Variants in WDR27 observed in about 807,000 individuals in gnomAD.
The protein encoded by WDR27 is WD repeat domain 27.
WDR27 carries 100 observed loss-of-function variants against 114.4 expected under a neutral mutation model. That is an observed-to-expected ratio of 0.87 (90% CI 0.74 to 1.03). The LOEUF is 1.03. Among genes scored for constraint, WDR27 ranks in the 50% least tolerant of loss-of-function variants. WDR27 has a pLI of 0.00. For missense variants in WDR27, 1,129 were observed against 1,092.9 expected (o/e 1.03, Z -0.47); for synonymous variants, 449 against 423.1 (o/e 1.06, Z -0.75).
At chr6:169,428,941 C>A in the WDR27 span, among the ~76,000 whole-genome samples, 3 of 152,148 alleles carry the variant, frequency 2.0e-5, no homozygotes, top group Admixed American at 1.3e-4. Flanking sequence ...CACGGTTGTC[C>A]TCACTGGAAA....
chr6:169,518,649 C>T (rs1016154105), intron 25 of WDR27, among the ~76,000 whole-genome samples: 1 of 152,232 alleles, frequency 6.6e-6, no homozygotes, highest in African/African-American at 2.4e-5. Context: ...GGGGCTGCCT[C>T]TTAGATCTCT....
At chr6:169,487,460 C>T (rs1394472786) in intron 25 of WDR27, among the ~76,000 whole-genome samples, 1 of 152,122 alleles carries the variant, frequency 6.6e-6, no homozygotes, top group Non-Finnish European at 1.5e-5. Context: ...TGGCTTCACA[C>T]GTGAGGGCTA....
At chr6:169,499,609 G>A (rs1039725630) in intron 25 of WDR27, among the ~76,000 whole-genome samples, 5 of 152,176 alleles carry the variant, frequency 3.3e-5, no homozygotes, top group South Asian at 2.1e-4. Flanking sequence ...GTCGCTTCCC[G>A]CAGTGTTGAG....
chr6:169,553,057 C>CGTGTGT (rs1798400485), intron 25 of WDR27, among the ~76,000 whole-genome samples: 1 of 23,638 alleles, frequency 4.2e-5, no homozygotes, highest in Non-Finnish European at 9.5e-5. Flanking sequence ...GCCTGGAGGG[C>CGTGTGT]CTGTGTGTGT....
In WDR27 at chr6:169,665,555, T is replaced by C. The variant is rs1438436662; in HGVS notation, c.714A>G (p.Ala238=). The C allele has an allele frequency of 8.7e-6, 14 of 1,613,072 alleles. No individual in the cohort carries two copies. Among genetic ancestry groups the C allele is most frequent in the Non-Finnish European group, 1.2e-5 (14 of 1,179,334 alleles). ...CAATGAATAAACTGAGAAGAGGATA[T>C]GCTGGTGAAAGGAACATCGGAAAAT... ...SLIYSSSVLS[A]YPLLSLFIDA... Residue 238 remains alanine (A), a splice_region_variant and synonymous_variant, in exon 7 of 26, where the codon GCA becomes GCG. Transcript: ENST00000448612.
In WDR27 at chr6:169,520,829, A is replaced by C. The variant is rs1043089002; in HGVS notation, c.2645+51590T>G. On this transcript the variant is annotated intron_variant, in intron 25 of 25. Coordinates refer to ENST00000448612, the MANE Select transcript of WDR27 (RefSeq NM_182552.5). ...TTCAAAGACAGGTTACCTGAAATAC[A>C]GAAAGAGAAAAAAAGGAAAAAAATG... Among the ~76,000 whole-genome samples, 7 of 152,144 alleles carry C rather than the reference A, an allele frequency of 4.6e-5. No homozygotes were observed. In the East Asian group the frequency reaches 1.2e-3, roughly 25 times the overall value.
At chr6:169,580,465 A>G (rs147907828) in intron 24 of WDR27, among the ~76,000 whole-genome samples, 1 of 152,316 alleles carries the variant, frequency 6.6e-6, no homozygotes, top group African/African-American at 2.4e-5. Context: ...GAGTTCTAAG[A>G]AAGCTGGTTT....
At chr6:169,495,886 T>TG (rs1052524465) in intron 25 of WDR27, among the ~76,000 whole-genome samples, 3 of 151,460 alleles carry the variant, frequency 2.0e-5, no homozygotes, top group African/African-American at 7.3e-5. Context: ...TTCCAAAAAC[T>TG]GGGGGAAAAA....
intron 25 of WDR27, among the ~76,000 whole-genome samples, chr6:169,539,785 T>C (rs73792927): frequency 0.016 from 2,466 of 152,276 alleles, 64 homozygotes; most frequent in African/African-American, 0.057. Context: ...GAAGAGAGGT[T>C]ACCTCAGCCA....
chr6:169,538,730 A>ACACACACC (rs1796485644), intron 25 of WDR27, among the ~76,000 whole-genome samples: 1 of 151,726 alleles, frequency 6.6e-6, no homozygotes, highest in East Asian at 1.9e-4. Context: ...ACACACACAC[A>ACACACACC]CACACAAACA....
intron 25 of WDR27, among the ~76,000 whole-genome samples, chr6:169,478,086 C>A (rs536866542): frequency 9.9e-5 from 15 of 151,932 alleles, no homozygotes; most frequent in Admixed American, 3.3e-4. Context: ...ATTGGAGGGA[C>A]AGAAGTCAAG....
intron 19 of WDR27, among the ~76,000 whole-genome samples, chr6:169,634,919 G>A (rs1214170259): frequency 3.9e-5 from 6 of 152,172 alleles, no homozygotes; most frequent in Non-Finnish European, 8.8e-5. Flanking sequence ...TGAAGTGCCT[G>A]CAAAGTGATC....
chr6:169,641,910 T>C (rs1199563859), intron 17 of WDR27, among the ~76,000 whole-genome samples: 2 of 152,264 alleles, frequency 1.3e-5, no homozygotes, highest in Non-Finnish European at 2.9e-5. Context: ...GAGAATCTAC[T>C]CTGTGCCAGG....
intron 24 of WDR27, among the ~76,000 whole-genome samples, chr6:169,573,715 T>C (rs1435989165): frequency 1.3e-5 from 2 of 152,236 alleles, no homozygotes; most frequent in African/African-American, 2.4e-5. Context: ...ATAAATTATA[T>C]CTCTGTGTAT....
At chr6:169,463,498 G>A (rs183701852) in intron 25 of WDR27, among the ~76,000 whole-genome samples, 113 of 152,268 alleles carry the variant, frequency 7.4e-4, no homozygotes, top group Non-Finnish European at 9.1e-4. Flanking sequence ...AAGGATGCCC[G>A]CTTTCATCAT....
intron 22 of WDR27, among the ~76,000 whole-genome samples, chr6:169,609,577 T>G (rs1325958723): frequency 6.6e-6 from 1 of 152,168 alleles, no homozygotes; most frequent in African/African-American, 2.4e-5. Flanking sequence ...GGGCACCAAG[T>G]CCCAGGCTGC....
At chr6:169,660,495 C>T (rs984571021) in intron 10 of WDR27, among the ~76,000 whole-genome samples, 168 bp downstream of exon 10, 5 of 152,176 alleles carry the variant, frequency 3.3e-5, no homozygotes, top group Non-Finnish European at 2.9e-5. Context: ...CCTCGTCCTT[C>T]GGATCCAGCA....
chr6:169,602,790 T>A (rs1401501056), intron 22 of WDR27, among the ~76,000 whole-genome samples: 4 of 152,190 alleles, frequency 2.6e-5, no homozygotes, highest in Non-Finnish European at 5.9e-5. Context: ...TATTTCTTGT[T>A]AATCATGTCC....
chr6:169,699,833 G>A (rs1390668296), intron 1 of WDR27, among the ~76,000 whole-genome samples: 33 of 151,916 alleles, frequency 2.2e-4, no homozygotes. Context: ...AAAAAAAAAA[G>A]TAGTCAGGTG....
Sources: gnomAD v4.1 joint callset for allele counts (sites outside exome capture counted in the v4.1 genomes callset) on GRCh38, gnomAD v4.1.1 for gene constraint, MANE v1.5 for transcripts, NCBI Gene and HGNC (gene_info 2026-07-23, HGNC 2026-07-21) for gene names.